Variants in THTPA observed in about 807,000 individuals in gnomAD.
THTPA encodes the protein thiamine triphosphatase, also known as thiamine-triphosphatase.
Under a neutral mutation model 16.5 loss-of-function variants are expected in THTPA, and 16 were observed. The ratio of observed to expected loss-of-function variants is 0.97; its 90% CI spans 0.66 to 1.47. The LOEUF is 1.47. Among genes scored for constraint, THTPA ranks in the 40% most tolerant of loss-of-function variants. THTPA has a pLI of 0.00. For synonymous variants in THTPA, 110 were observed against 115.5 expected (o/e 0.95, Z 0.30); for missense variants, 281 against 280.9 (o/e 1.00, Z 0.00).
At chr14:23,518,287 G>C in the THTPA span, among the ~76,000 whole-genome samples, 1 of 152,106 alleles carries the variant, frequency 6.6e-6, no homozygotes, top group Non-Finnish European at 1.5e-5. The surrounding 1 kb of genome is among the most constrained non-coding windows in gnomAD (Gnocchi z 4.5). Flanking sequence ...AGAATCAGTG[G>C]TCTGGTCTAT....
At chr14:23,525,719 C>T in the THTPA span, 67 of 1,517,896 alleles carry the variant, frequency 4.4e-5, no homozygotes, top group South Asian at 2.6e-4. This position sits in a 1 kb window ranked among gnomAD's most constrained non-coding sequence, Gnocchi z 5.9. Flanking sequence ...CTCCCACTCC[C>T]GCTCAGCCAG....
chr14:23,533,033 C>G, the THTPA span: 2 of 1,535,510 alleles, frequency 1.3e-6, no homozygotes, highest in Non-Finnish European at 1.7e-6. This position sits in a 1 kb window ranked among gnomAD's most constrained non-coding sequence, Gnocchi z 4.8. Context: ...AGATGAGGAA[C>G]CCAGGAGCTG....
At chr14:23,524,371 G>C in the THTPA span, 1 of 1,536,232 alleles carries the variant, frequency 6.5e-7, no homozygotes, top group Non-Finnish European at 8.7e-7. This position sits in a 1 kb window ranked among gnomAD's most constrained non-coding sequence, Gnocchi z 5.6. Flanking sequence ...GCAGGCGCTT[G>C]TCCCTGGGGG....
the THTPA span, chr14:23,533,998 AGGGACATGT>A: frequency 6.5e-7 from 1 of 1,537,202 alleles, no homozygotes; most frequent in African/African-American, 1.4e-5. The surrounding 1 kb of genome is among the most constrained non-coding windows in gnomAD (Gnocchi z 4.8). Context: ...TGAGTGGAGC[AGGGACATGT>A]GGCTGGACAG....
At chr14:23,549,265 C>T in the THTPA span, among the ~76,000 whole-genome samples, 4 of 152,182 alleles carry the variant, frequency 2.6e-5, no homozygotes, top group East Asian at 5.8e-4. Context: ...TTCCTTTGCA[C>T]ATCCCTCACG....
the THTPA span, chr14:23,534,881 T>C: frequency 1.3e-6 from 2 of 1,536,100 alleles, no homozygotes; most frequent in South Asian, 1.2e-5. The surrounding 1 kb of genome is among the most constrained non-coding windows in gnomAD (Gnocchi z 4.5). Context: ...TCTTCCTTGA[T>C]GCCCGCCTCA....
Position 23,560,242 on chromosome 14 carries a change from G to C in THTPA, c.*1402G>C. On this transcript the variant is annotated 3_prime_UTR_variant, in exon 2 of 2. Transcript: ENST00000288014. ...AGTCCCCAGGCCACCTCTGAACTCT[G>C]ATCTTTACAAACCTTGGGCACAGCA... is the stretch of plus-strand genomic sequence containing the variant. The C allele has an allele frequency of 6.2e-7, 1 of 1,612,774 alleles. No individual in the cohort carries two copies. The highest frequency in any genetic ancestry group is 8.5e-7 in the Non-Finnish European group (1 of 1,179,904).
the THTPA span, chr14:23,514,260 G>C: frequency 6.6e-6 from 1 of 152,316 alleles, no homozygotes; most frequent in Non-Finnish European, 1.5e-5. Flanking sequence ...TCCCTCTTAG[G>C]CATGGGGAGT....
chr14:23,531,989 T>C, the THTPA span: 1 of 269,472 alleles, frequency 3.7e-6, no homozygotes, highest in East Asian at 7.7e-5. Context: ...TTGGCCAGGC[T>C]GGTCTCGAAC....
At chr14:23,525,762 G>A in the THTPA span, 1 of 1,505,904 alleles carries the variant, frequency 6.6e-7, no homozygotes, top group South Asian at 1.3e-5. The surrounding 1 kb of genome is among the most constrained non-coding windows in gnomAD (Gnocchi z 5.9). Flanking sequence ...GGAGGAGGAG[G>A]GGTGGCAGCT....
the THTPA span, chr14:23,521,671 T>C: frequency 2.5e-6 from 1 of 402,490 alleles, no homozygotes. Flanking sequence ...CAGACATGTA[T>C]GAATAATCAG....
the THTPA span, among the ~76,000 whole-genome samples, chr14:23,537,000 C>T: frequency 9.2e-5 from 14 of 151,770 alleles, no homozygotes; most frequent in South Asian, 2.5e-3. Flanking sequence ...ATTAGTTGGG[C>T]GTGGTGGTGC....
the THTPA span, chr14:23,532,851 G>C: frequency 6.5e-7 from 1 of 1,536,330 alleles, no homozygotes; most frequent in Non-Finnish European, 8.7e-7. Context: ...AGCTTGCAGC[G>C]GTGGGTGTCA....
At chr14:23,525,134 G>A in the THTPA span, 2 of 1,536,062 alleles carry the variant, frequency 1.3e-6, no homozygotes, top group Non-Finnish European at 1.7e-6. This position sits in a 1 kb window ranked among gnomAD's most constrained non-coding sequence, Gnocchi z 5.9. Flanking sequence ...CTGGAACTCT[G>A]TGAACTTGGT....
chr14:23,558,908 C>A lies in THTPA; in HGVS notation c.*68C>A. 6.3e-7 allele frequency: 1 copy of A among 1,581,712 alleles called. No homozygotes were observed. The highest frequency in any genetic ancestry group is 1.1e-5 in the South Asian group (1 of 88,394). On this transcript the variant is annotated 3_prime_UTR_variant, in exon 2 of 2. Coordinates refer to ENST00000288014, the MANE Select transcript of THTPA (RefSeq NM_024328.6). ...GGAGTCCACTCCTGGGCCCACTGTG[C>A]CTCTCCCCTCAGTGTCCCTTCTGAC...
chr14:23,538,544 C>CGAT, the THTPA span, among the ~76,000 whole-genome samples: 1 of 152,140 alleles, frequency 6.6e-6, no homozygotes. Flanking sequence ...AGAGTCATCC[C>CGAT]CTCCTGCCAC....
At chr14:23,527,553 C>T in the THTPA span, 1 of 1,532,144 alleles carries the variant, frequency 6.5e-7, no homozygotes, top group Non-Finnish European at 8.7e-7. Context: ...TCCCCTCCTG[C>T]ACAGCCCTAA....
the THTPA span, chr14:23,527,675 G>A: frequency 2.0e-6 from 3 of 1,536,330 alleles, no homozygotes; most frequent in South Asian, 3.6e-5. Flanking sequence ...TGCAGGGCAG[G>A]CCGGCCCACC....
upstream of THTPA, among the ~76,000 whole-genome samples, chr14:23,551,120 CTCCCACACCCCTGT>C (rs1881909396): frequency 6.6e-6 from 1 of 151,984 alleles, no homozygotes; most frequent in Non-Finnish European, 1.5e-5. The surrounding 1 kb of genome is among the most constrained non-coding windows in gnomAD (Gnocchi z 5.3). Flanking sequence ...CGCCCTCTTC[CTCCCACACCCCTGT>C]CTGCTATCTC....
Sources: allele counts gnomAD v4.1 joint callset (sites outside exome capture counted in the v4.1 genomes callset), GRCh38; gene constraint gnomAD v4.1.1; non-coding constraint Gnocchi (gnomAD v3.1); transcripts MANE v1.5; gene names NCBI Gene and HGNC (gene_info 2026-07-23, HGNC 2026-07-21).